Variants in SRGAP1 observed in about 807,000 individuals in gnomAD.
SRGAP1 encodes the protein SLIT-ROBO Rho GTPase activating protein 1.
In SRGAP1, 43 loss-of-function variants were observed where a neutral mutation model predicts 121.9. The observed-to-expected ratio is 0.35, with a 90% CI of 0.28 to 0.46. The LOEUF (loss-of-function observed/expected upper bound fraction) is 0.46, where lower values mean the gene tolerates loss of function less well. Ranked by LOEUF, SRGAP1 falls within the 20% of genes least tolerant of loss-of-function variation. The pLI, the probability that SRGAP1 is intolerant of heterozygous loss-of-function variation, is 1.00. For missense variants in SRGAP1, 1,102 were observed against 1,350.9 expected (o/e 0.82, Z 2.89); for synonymous variants, 447 against 485.4 (o/e 0.92, Z 1.04).
intron 6 of SRGAP1, 128 bp downstream of exon 6, chr12:64,043,703 A>T: frequency 2.9e-6 from 2 of 678,010 alleles, no homozygotes; most frequent in Non-Finnish European, 4.6e-6. Flanking sequence ...AGAAAAAAAT[A>T]CTTTTATTTA....
intron 16 of SRGAP1, 42 bp from the exon 17 acceptor site, chr12:64,111,718 TTC>T (rs762397456): frequency 3.5e-5 from 52 of 1,498,790 alleles, no homozygotes; most frequent in Non-Finnish European, 4.6e-5. Context: ...TATCCTTTTT[TTC>T]TCTTTGTTCT....
At chr12:63,991,339 G>A (rs1007024615) in intron 3 of SRGAP1, among the ~76,000 whole-genome samples, 2 of 152,104 alleles carry the variant, frequency 1.3e-5, no homozygotes, top group Non-Finnish European at 2.9e-5. Context: ...TGTTAAGCAG[G>A]CCAGCTGGAA....
intron 9 of SRGAP1, among the ~76,000 whole-genome samples, chr12:64,080,061 G>A (rs895064248): frequency 2.0e-5 from 3 of 152,004 alleles, no homozygotes; most frequent in Admixed American, 6.6e-5. Context: ...TGGCCAATAC[G>A]GAGAAACCCC....
chr12:63,848,026 A>ATATATATATATATATAT (rs1266035796), intron 1 of SRGAP1, among the ~76,000 whole-genome samples: 3 of 148,582 alleles, frequency 2.0e-5, no homozygotes, highest in African/African-American at 7.6e-5. Context: ...TATATATATA[A>ATATATATATATATATAT]AAGGAGTATC....
At chr12:64,067,679 A>G (rs1237452049) in intron 8 of SRGAP1, among the ~76,000 whole-genome samples, 1 of 152,188 alleles carries the variant, frequency 6.6e-6, no homozygotes, top group Non-Finnish European at 1.5e-5. Flanking sequence ...AGATACTTCA[A>G]TATATGTCAA....
intron 1 of SRGAP1, among the ~76,000 whole-genome samples, chr12:63,964,749 C>G (rs1015027651): frequency 6.6e-6 from 1 of 152,154 alleles, no homozygotes; most frequent in Non-Finnish European, 1.5e-5. Flanking sequence ...CATTTCATAG[C>G]AGAGGACTAA....
intron 6 of SRGAP1, among the ~76,000 whole-genome samples, chr12:64,045,919 A>G (rs1211940472): frequency 6.6e-6 from 1 of 152,214 alleles, no homozygotes; most frequent in Non-Finnish European, 1.5e-5. Flanking sequence ...ATTTATATAC[A>G]TACAAGTACA....
At chr12:64,082,790 A>G (rs978708329) in intron 10 of SRGAP1, among the ~76,000 whole-genome samples, 2 of 152,140 alleles carry the variant, frequency 1.3e-5, no homozygotes, top group African/African-American at 4.8e-5. Flanking sequence ...GGGCTCTGGT[A>G]TACCAGGGAC....
intron 12 of SRGAP1, among the ~76,000 whole-genome samples, chr12:64,092,948 T>C (rs2036082077): frequency 1.3e-5 from 2 of 152,150 alleles, no homozygotes; most frequent in African/African-American, 4.8e-5. Context: ...AAAGAATAAA[T>C]AAACCAGCTA....
At chr12:63,850,360 A>T (rs966531871) in intron 1 of SRGAP1, among the ~76,000 whole-genome samples, 3 of 152,038 alleles carry the variant, frequency 2.0e-5, no homozygotes, top group Non-Finnish European at 4.4e-5. Context: ...CTCCTGTGCT[A>T]TGTTGACCAG....
intron 1 of SRGAP1, among the ~76,000 whole-genome samples, chr12:63,922,560 A>G (rs1315309526): frequency 6.6e-6 from 1 of 152,228 alleles, no homozygotes; most frequent in Non-Finnish European, 1.5e-5. Flanking sequence ...CTAGGCCTCC[A>G]TGATCCTACT....
At chr12:64,078,860 C>G (rs1193431297) in intron 8 of SRGAP1, 59 bp from the exon 9 acceptor site, 1 of 1,546,712 alleles carries the variant, frequency 6.5e-7, no homozygotes, top group African/African-American at 1.4e-5. Context: ...GTGGACTCTC[C>G]CTGTTTGTGG....
chr12:63,945,346 A>G (rs890819585), intron 1 of SRGAP1, among the ~76,000 whole-genome samples: 2 of 151,808 alleles, frequency 1.3e-5, no homozygotes, highest in African/African-American at 4.8e-5. Context: ...TACACATGCC[A>G]TAATGGTTTG....
At chr12:63,849,777 C>A (rs1261644369) in intron 1 of SRGAP1, among the ~76,000 whole-genome samples, 1 of 152,196 alleles carries the variant, frequency 6.6e-6, no homozygotes, top group Admixed American at 6.5e-5. Flanking sequence ...CCACTCATTA[C>A]ATGATGCAGG....
chr12:63,912,801 G>T (rs1766079618), intron 1 of SRGAP1, among the ~76,000 whole-genome samples: 2 of 152,106 alleles, frequency 1.3e-5, no homozygotes, highest in Non-Finnish European at 2.9e-5. Flanking sequence ...TTTAGAGGTA[G>T]TTCAGCCCTG....
intron 1 of SRGAP1, among the ~76,000 whole-genome samples, chr12:63,897,240 T>C (rs1257307195): frequency 6.6e-6 from 1 of 152,212 alleles, no homozygotes; most frequent in Admixed American, 6.6e-5. Flanking sequence ...AGAACATATG[T>C]GCTATTTGAT....
At chr12:64,057,253 T>G (rs910059546) in intron 6 of SRGAP1, among the ~76,000 whole-genome samples, 7 of 152,180 alleles carry the variant, frequency 4.6e-5, no homozygotes, top group African/African-American at 1.7e-4. Flanking sequence ...TCAAAACAAC[T>G]TTTTCTAAAT....
intron 1 of SRGAP1, among the ~76,000 whole-genome samples, chr12:63,924,058 T>G (rs2031166594): frequency 3.3e-5 from 5 of 152,138 alleles, no homozygotes; most frequent in Admixed American, 3.3e-4. Context: ...GGAGAATCGC[T>G]TGAACCTGGG....
At chr12:64,130,821 T>A (rs2136641855) in intron 21 of SRGAP1, among the ~76,000 whole-genome samples, 1 of 152,314 alleles carries the variant, frequency 6.6e-6, no homozygotes, top group South Asian at 2.1e-4. Flanking sequence ...AGAAGCATTG[T>A]GTGCAGGATA....
Sources: gnomAD v4.1 joint callset for allele counts (sites outside exome capture counted in the v4.1 genomes callset) on GRCh38, gnomAD v4.1.1 for gene constraint, MANE v1.5 for transcripts, NCBI Gene and HGNC (gene_info 2026-07-23, HGNC 2026-07-21) for gene names.